The following GLRA1 variants were observed in gnomAD, a reference collection of about 807,000 sequenced individuals.
GLRA1 encodes glycine receptor alpha 1, also known as glycine receptor subunit alpha-1.
A neutral mutation model predicts 48.3 loss-of-function variants in GLRA1; 37 were observed. The ratio of observed to expected loss-of-function variants is 0.77; its 90% confidence interval spans 0.59 to 1.01. GLRA1 has a LOEUF of 1.01. Ranked by LOEUF, GLRA1 falls within the 50% of genes least tolerant of loss-of-function variation. The pLI is 0.00. For missense variants in GLRA1, 427 were observed against 571.0 expected (o/e 0.75, Z 2.57); for synonymous variants, 196 against 210.7 (o/e 0.93, Z 0.60).
In GLRA1 at chr5:151,856,653, T is replaced by C. The variant is rs7711771; in HGVS notation, c.477-270A>G. On this transcript the variant is annotated intron_variant, in intron 4 of 8. Coordinates refer to ENST00000274576, the MANE Select transcript of GLRA1 (RefSeq NM_000171.4). ...CCTGCCTCAGCCTCCAGAGTAGATG[T>C]GACCATAGGCATCTGCCACCATGCC... 0.45 allele frequency among the ~76,000 whole-genome samples: 67,697 copies of C among 151,860 alleles called. 15,531 individuals carry two copies. The highest frequency in any genetic ancestry group is 0.56 in the African/African-American group (22,987 of 41,384).
intron 7 of GLRA1, among the ~76,000 whole-genome samples, chr5:151,839,929 G>C (rs1170129285): frequency 6.6e-6 from 1 of 152,028 alleles, no homozygotes; most frequent in Non-Finnish European, 1.5e-5. Context: ...TCTTTTAGCA[G>C]TCCAAGTAAA....
At chr5:151,905,798 A>G (rs1212760985) in intron 1 of GLRA1, among the ~76,000 whole-genome samples, 1 of 152,158 alleles carries the variant, frequency 6.6e-6, no homozygotes, top group Non-Finnish European at 1.5e-5. Context: ...CTTTTCCTCC[A>G]CTGACTCACA....
chr5:151,873,236 A>G lies in GLRA1; in HGVS notation c.253-13228T>C, dbSNP rs537986265. Among the ~76,000 whole-genome samples the G allele has an allele frequency of 3.3e-5, 5 of 149,542 alleles. No individual in the cohort carries two copies. The East Asian group carries it at 9.6e-4, about 29-fold the overall frequency. On this transcript the variant is annotated intron_variant, in intron 3 of 8. Coordinates refer to ENST00000274576, the MANE Select transcript of GLRA1 (RefSeq NM_000171.4). ...TAGAAATGGATTTTAGGGCCTAGAGAAGGTTTTCCAAGGGCTTCCTGGGGG... is the reference window on the plus strand; with the variant it reads ...TAGAAATGGATTTTAGGGCCTAGAGGAGGTTTTCCAAGGGCTTCCTGGGGG...
In GLRA1 at chr5:151,828,869, T is replaced by G. The variant is rs376543084; in HGVS notation, c.1059+52A>C. ...AACACAAGACAATACTGCTTAGAAC[T>G]CTTTTGTTTACTAACAGCTGTCCCT... is the stretch of plus-strand genomic sequence containing the variant. On this transcript the variant is annotated intron_variant, in intron 8 of 8. Coordinates refer to ENST00000274576, the MANE Select transcript of GLRA1 (RefSeq NM_000171.4). 836 of 1,559,842 alleles carry G rather than the reference T, an allele frequency of 5.4e-4. 18 individuals are homozygous for G. The South Asian group carries it at 8.2e-3, about 15-fold the overall frequency.
At chr5:151,887,525 C>T (rs1166524011) in intron 2 of GLRA1, among the ~76,000 whole-genome samples, 1 of 152,104 alleles carries the variant, frequency 6.6e-6, no homozygotes, top group Non-Finnish European at 1.5e-5. Flanking sequence ...TCAACAACTC[C>T]AGGAGAAGGT....
At chr5:151,851,963 G>A (rs1444081329) in intron 6 of GLRA1, among the ~76,000 whole-genome samples, 1 of 152,040 alleles carries the variant, frequency 6.6e-6, no homozygotes, top group Non-Finnish European at 1.5e-5. Context: ...GAATGGGCCT[G>A]ACTAAGTAGA....
chr5:151,849,206 T>TTTTCTTCC (rs1554083336), intron 7 of GLRA1: 1 of 84,592 alleles, frequency 1.2e-5, no homozygotes, highest in African/African-American at 6.0e-5. Flanking sequence ...CTTTTCTTTC[T>TTTTCTTCC]TTCCTTCCTT....
intron 7 of GLRA1, among the ~76,000 whole-genome samples, chr5:151,832,784 G>A (rs1291965461): frequency 1.3e-5 from 2 of 152,018 alleles, no homozygotes; most frequent in African/African-American, 4.8e-5. Flanking sequence ...ATTCAAATTC[G>A]GGAAATACAG....
At chr5:151,868,365 C>G (rs1753389397) in intron 3 of GLRA1, among the ~76,000 whole-genome samples, 1 of 152,184 alleles carries the variant, frequency 6.6e-6, no homozygotes, top group South Asian at 2.1e-4. Flanking sequence ...TCACCACATG[C>G]AAGAAACTGT....
chr5:151,833,542 A>G (rs567347866), intron 7 of GLRA1, among the ~76,000 whole-genome samples: 3 of 152,046 alleles, frequency 2.0e-5, no homozygotes, highest in Non-Finnish European at 4.4e-5. Flanking sequence ...CAGCTCGCCA[A>G]ATCCTCCGCC....
At chr5:151,865,242 A>G (rs1265277252) in intron 3 of GLRA1, among the ~76,000 whole-genome samples, 2 of 152,200 alleles carry the variant, frequency 1.3e-5, no homozygotes, top group Non-Finnish European at 2.9e-5. Context: ...TACTGAGGAA[A>G]GGGCTCTGAT....
chr5:151,893,268 C>G (rs1318046023), intron 1 of GLRA1, among the ~76,000 whole-genome samples: 2 of 152,002 alleles, frequency 1.3e-5, no homozygotes, highest in East Asian at 3.8e-4. Flanking sequence ...AAGAACATGA[C>G]CCTCCCTCTG....
At chr5:151,841,381 A>G (rs1207623912) in intron 7 of GLRA1, among the ~76,000 whole-genome samples, 3 of 149,330 alleles carry the variant, frequency 2.0e-5, no homozygotes, top group African/African-American at 7.5e-5. Context: ...GTAAACACCT[A>G]TTTTAAAAAG....
intron 7 of GLRA1, chr5:151,849,000 G>C (rs776674493): frequency 2.5e-4 from 171 of 679,902 alleles, no homozygotes; most frequent in Non-Finnish European, 4.3e-4. Flanking sequence ...ACTGGAGAAG[G>C]ATGGCGCTGC....
At chr5:151,898,875 T>C (rs766832445) in intron 1 of GLRA1, among the ~76,000 whole-genome samples, 3 of 152,186 alleles carry the variant, frequency 2.0e-5, no homozygotes, top group Non-Finnish European at 4.4e-5. Context: ...AGAGGCTTTG[T>C]GGAGAAAATG....
At position 151,856,298 on chromosome 5, in the gene GLRA1, C is replaced by G; in HGVS notation, c.559+3G>C. 3 of 1,602,788 alleles carry G rather than the reference C, an allele frequency of 1.9e-6. No individual in the cohort carries two copies. The highest frequency in any genetic ancestry group is 1.7e-6 in the Non-Finnish European group (2 of 1,170,192). On this transcript the variant is annotated splice_donor_region_variant and intron_variant, in intron 5 of 8. Coordinates refer to ENST00000274576, the MANE Select transcript of GLRA1 (RefSeq NM_000171.4). Reference sequence around the variant, plus strand: ...TTCTAGAGGACTCATGCAAGACACTCACAGCTTTCCAGTTGCATGATACAT... The same window carrying G: ...TTCTAGAGGACTCATGCAAGACACTGACAGCTTTCCAGTTGCATGATACAT...
intron 7 of GLRA1, 96 bp from the exon 8 acceptor site, chr5:151,829,163 A>T: frequency 8.6e-7 from 1 of 1,166,722 alleles, no homozygotes; most frequent in Non-Finnish European, 1.3e-6. Flanking sequence ...GTAATTCCCC[A>T]CATCACCCAC....
At chr5:151,880,592 A>ACT (rs36081655) in intron 3 of GLRA1, among the ~76,000 whole-genome samples, 25 of 150,436 alleles carry the variant, frequency 1.7e-4, no homozygotes, top group South Asian at 4.2e-4. Flanking sequence ...GTCAACACAC[A>ACT]CTCTCTCTCT....
Position 151,924,562 on chromosome 5 carries a change from T to C in GLRA1, c.-13A>G. 1 of 1,578,854 alleles carries C rather than the reference T, an allele frequency of 6.3e-7. No individual in the cohort carries two copies. Among genetic ancestry groups the C allele is most frequent in the East Asian group, 2.2e-5 (1 of 44,708 alleles). On this transcript the variant is annotated 5_prime_UTR_variant, in exon 1 of 9. Coordinates refer to ENST00000274576, the MANE Select transcript of GLRA1 (RefSeq NM_000171.4). ...TGAAGCTGTACATTTTTCAGGTCCT[T>C]GTGCTTTGTAGTCCACGAGTTATGG...
Sources: gnomAD v4.1 joint callset for allele counts (sites outside exome capture counted in the v4.1 genomes callset) on GRCh38, gnomAD v4.1.1 for gene constraint, MANE v1.5 for transcripts, NCBI Gene and HGNC (gene_info 2026-07-23, HGNC 2026-07-21) for gene names.